Variants in LINGO2 observed in about 807,000 individuals in gnomAD.
LINGO2 encodes the protein leucine-rich repeat and immunoglobulin-like domain-containing nogo receptor-interacting protein 2.
Under a neutral mutation model 30.6 loss-of-function variants are expected in LINGO2, and 14 were observed. That is an observed-to-expected ratio of 0.46 (90% confidence interval 0.30 to 0.72). The LOEUF (loss-of-function observed/expected upper bound fraction) is 0.72. Ranked by LOEUF, LINGO2 falls within the 30% of genes least tolerant of loss-of-function variation. LINGO2 has a pLI of 0.07. For missense variants in LINGO2, 729 were observed against 751.7 expected (o/e 0.97, Z 0.35); for synonymous variants, 317 against 288.5 (o/e 1.10, Z -1.00).
chr9:28,144,282 T>C (rs760949150), intron 4 of LINGO2, among the ~76,000 whole-genome samples: 1 of 152,182 alleles, frequency 6.6e-6, no homozygotes, highest in Non-Finnish European at 1.5e-5. Context: ...ACATCTCAAA[T>C]GTAGGTTTGT....
At chr9:28,195,717 G>A (rs1237063862) in intron 4 of LINGO2, among the ~76,000 whole-genome samples, 1 of 151,188 alleles carries the variant, frequency 6.6e-6, no homozygotes, top group Non-Finnish European at 1.5e-5. Flanking sequence ...CAATAAATAA[G>A]TAAATCTCCT....
chr9:28,996,707 T>A, the LINGO2 span, among the ~76,000 whole-genome samples: 1 of 152,222 alleles, frequency 6.6e-6, no homozygotes, highest in African/African-American at 2.4e-5. Flanking sequence ...ATTCTGAGAT[T>A]TATCAAGGAA....
the LINGO2 span, among the ~76,000 whole-genome samples, chr9:28,726,345 A>G: frequency 6.6e-6 from 1 of 152,174 alleles, no homozygotes; most frequent in Non-Finnish European, 1.5e-5. Flanking sequence ...AAGGAAAATA[A>G]TAAGTTGCAA....
chr9:28,772,539 A>T, the LINGO2 span, among the ~76,000 whole-genome samples: 1 of 152,214 alleles, frequency 6.6e-6, no homozygotes, highest in Non-Finnish European at 1.5e-5. Flanking sequence ...AATGAATGGA[A>T]AACCATGCTC....
chr9:29,076,382 A>C, the LINGO2 span, among the ~76,000 whole-genome samples: 39 of 151,898 alleles, frequency 2.6e-4, no homozygotes, highest in African/African-American at 8.9e-4. Context: ...GACTGTTATT[A>C]ACATAATTTT....
chr9:28,590,735 T>C (rs1824850935), intron 1 of LINGO2, among the ~76,000 whole-genome samples: 1 of 152,184 alleles, frequency 6.6e-6, no homozygotes, highest in African/African-American at 2.4e-5. Context: ...TCAACCACTG[T>C]GGAAGTCAGT....
chr9:29,018,023 C>G, the LINGO2 span, among the ~76,000 whole-genome samples: 2 of 92,356 alleles, frequency 2.2e-5, no homozygotes, highest in East Asian at 5.9e-4. Context: ...TATAAATCTG[C>G]ATATATATAT....
At chr9:28,686,625 T>C in the LINGO2 span, among the ~76,000 whole-genome samples, 1 of 152,060 alleles carries the variant, frequency 6.6e-6, no homozygotes, top group Non-Finnish European at 1.5e-5. Flanking sequence ...TGCTTTTATT[T>C]ATTTTATTTA....
At chr9:28,758,172 C>T in the LINGO2 span, among the ~76,000 whole-genome samples, 1 of 152,028 alleles carries the variant, frequency 6.6e-6, no homozygotes. Context: ...CTTACCTGTT[C>T]ATTACTTGTC....
chr9:28,343,098 T>C (rs371718546), intron 3 of LINGO2, among the ~76,000 whole-genome samples: 4 of 152,264 alleles, frequency 2.6e-5, no homozygotes, highest in South Asian at 2.1e-4. Flanking sequence ...CCTTTCATAG[T>C]ATTTCACACT....
chr9:28,848,389 GTGTGTGTGTATATATATATATA>G, the LINGO2 span, among the ~76,000 whole-genome samples: 4 of 52,272 alleles, frequency 7.7e-5, no homozygotes, highest in African/African-American at 1.2e-4. Context: ...GTGTGTGTGT[GTGTGTGTGTATATATATATATA>G]TATATATATA....
At chr9:28,365,906 G>C (rs117776244) in intron 3 of LINGO2, among the ~76,000 whole-genome samples, 2,306 of 152,086 alleles carry the variant, frequency 0.015, 33 homozygotes, top group Middle Eastern at 0.061. Context: ...CTGTCTGTGT[G>C]TGACTAAGAA....
the LINGO2 span, chr9:27,942,307 T>C: frequency 6.6e-6 from 1 of 152,190 alleles, no homozygotes; most frequent in Admixed American, 6.5e-5. Context: ...ACGTTCCCTG[T>C]GAGACTCATA....
the LINGO2 span, chr9:27,940,163 C>T: frequency 2.0e-5 from 3 of 151,844 alleles, no homozygotes; most frequent in African/African-American, 4.8e-5. Flanking sequence ...ATTTTTTTCC[C>T]CAGATGGTTC....
chr9:28,017,058 T>C (rs2119319728), intron 4 of LINGO2, among the ~76,000 whole-genome samples: 1 of 152,290 alleles, frequency 6.6e-6, no homozygotes, highest in East Asian at 1.9e-4. Flanking sequence ...ATAAATGTGA[T>C]TCACCACATA....
chr9:28,549,916 A>C (rs1216895588), intron 1 of LINGO2, among the ~76,000 whole-genome samples: 1 of 151,864 alleles, frequency 6.6e-6, no homozygotes, highest in Non-Finnish European at 1.5e-5. Flanking sequence ...ATAAAACTAA[A>C]AATTGACATT....
At chr9:28,750,516 C>G in the LINGO2 span, among the ~76,000 whole-genome samples, 2 of 152,088 alleles carry the variant, frequency 1.3e-5, no homozygotes, top group Non-Finnish European at 2.9e-5. Flanking sequence ...CAGAGATCCT[C>G]AGTCTGCAAA....
intron 4 of LINGO2, among the ~76,000 whole-genome samples, chr9:28,226,638 AGAAG>A (rs57878003): frequency 0.077 from 4,327 of 56,502 alleles, 81 homozygotes; most frequent in Middle Eastern, 0.12. Context: ...AAAGAAGGAA[AGAAG>A]GAAAGAAAGA....
At chr9:28,055,321 G>C (rs994870414) in intron 4 of LINGO2, among the ~76,000 whole-genome samples, 1 of 152,098 alleles carries the variant, frequency 6.6e-6, no homozygotes, top group Non-Finnish European at 1.5e-5. Context: ...TTTCTTGATA[G>C]AACAGGTACA....
Sources: gnomAD v4.1 joint callset for allele counts (sites outside exome capture counted in the v4.1 genomes callset) on GRCh38, gnomAD v4.1.1 for gene constraint, MANE v1.5 for transcripts, NCBI Gene and HGNC (gene_info 2026-07-23, HGNC 2026-07-21) for gene names.